Variants in SFI1 observed in about 807,000 individuals in gnomAD.
The protein encoded by SFI1 is SFI1 centrin binding protein, also known as protein SFI1 homolog.
In SFI1, 195 loss-of-function variants were observed where a neutral mutation model predicts 207.5. The observed-to-expected ratio is 0.94, with a 90% CI of 0.84 to 1.06. The LOEUF (loss-of-function observed/expected upper bound fraction) is 1.06, where lower values mean the gene tolerates loss of function less well. Ranked by LOEUF, SFI1 falls within the 50% of genes least tolerant of loss-of-function variation. The probability of loss-of-function intolerance (pLI) is 0.00; values close to 1 mark genes in which losing one functional copy is unlikely to be tolerated. For missense variants in SFI1, 1,634 were observed against 1,588.0 expected (o/e 1.03, Z -0.49); for synonymous variants, 630 against 598.9 (o/e 1.05, Z -0.76).
intron 3 of SFI1, 111 bp downstream of exon 3, chr22:31,528,974 G>A: frequency 9.3e-7 from 1 of 1,070,298 alleles, no homozygotes; most frequent in Non-Finnish European, 1.4e-6. Context: ...GGGAGATCTT[G>A]ATGCCTGTTC....
rs746036758 is a variant in SFI1 at position 31,556,925 on chromosome 22, C to G, written c.545-17C>G. The G allele has an allele frequency of 5.8e-6, 9 of 1,562,064 alleles. No individual in the cohort carries two copies. Among genetic ancestry groups the G allele is most frequent in the Non-Finnish European group, 7.9e-6 (9 of 1,144,294 alleles). On this transcript the variant is annotated splice_polypyrimidine_tract_variant and intron_variant, in intron 6 of 32. Coordinates refer to ENST00000400288, the MANE Select transcript of SFI1 (RefSeq NM_001007467.3). ...TCTCTCCCCATGCCTTTTGAAAAAT[C>G]TCTTTGGTGAATCTAGATGCAAAGC...
At chr22:31,503,741 C>T (rs2054192673) in intron 1 of SFI1, among the ~76,000 whole-genome samples, 1 of 151,354 alleles carries the variant, frequency 6.6e-6, no homozygotes, top group Admixed American at 6.6e-5. Context: ...GCATTCGCCA[C>T]CATGCCAATT....
chr22:31,553,853 T>C (rs1221367147), intron 6 of SFI1, among the ~76,000 whole-genome samples: 1 of 118,590 alleles, frequency 8.4e-6, no homozygotes, highest in African/African-American at 3.2e-5. Context: ...TTTTTTTTTT[T>C]TTTTTTTTTT....
chr22:31,552,730 A>C (rs754569585), intron 6 of SFI1, among the ~76,000 whole-genome samples: 8 of 152,096 alleles, frequency 5.3e-5, no homozygotes, highest in Non-Finnish European at 8.8e-5. Flanking sequence ...TTCTGTTTTT[A>C]GTTCTTTGAG....
chr22:31,517,133 C>CA (rs561236186), intron 2 of SFI1, among the ~76,000 whole-genome samples: 1,828 of 141,050 alleles, frequency 0.013, 12 homozygotes, highest in Middle Eastern at 0.032. Context: ...GACTCTGTCT[C>CA]AAAAAAAAAA....
At position 31,604,304 on chromosome 22, in the gene SFI1, T is replaced by G. The variant is rs1263257630; in HGVS notation, c.1882-5T>G. 1.3e-6 allele frequency: 2 copies of G among 1,568,122 alleles called. No homozygotes were observed. Among genetic ancestry groups the G allele is most frequent in the Admixed American group, 1.9e-5 (1 of 53,650 alleles). ...CACGGTAGCTGCTTTCTCCTCTGTC[T>G]GCAGTGCCTGGCCCTGCGGGGAGCG... On this transcript the variant is annotated splice_region_variant and splice_polypyrimidine_tract_variant and intron_variant, in intron 18 of 32. Transcript: ENST00000400288.
At chr22:31,500,763 G>A (rs541821318) in intron 1 of SFI1, among the ~76,000 whole-genome samples, 1 of 150,090 alleles carries the variant, frequency 6.7e-6, no homozygotes, top group African/African-American at 2.5e-5. Context: ...GCCCAATAAA[G>A]TGGTGTTTTT....
intron 2 of SFI1, among the ~76,000 whole-genome samples, chr22:31,516,384 G>A (rs2056503396): frequency 6.6e-6 from 1 of 151,474 alleles, no homozygotes; most frequent in Non-Finnish European, 1.5e-5. Flanking sequence ...ATTGTGGTGT[G>A]TGCCTGTAGT....
chr22:31,594,027 G>GCA (rs1287456853), intron 15 of SFI1, among the ~76,000 whole-genome samples: 2,465 of 139,952 alleles, frequency 0.018, 43 homozygotes, highest in African/African-American at 0.022. Context: ...AGAGGGAGAG[G>GCA]GAGGTGTCCA....
intron 15 of SFI1, among the ~76,000 whole-genome samples, chr22:31,594,984 A>AATTT (rs890792462): frequency 6.9e-4 from 105 of 151,526 alleles, no homozygotes; most frequent in South Asian, 1.9e-3. Flanking sequence ...AAATAATAAT[A>AATTT]ATTTATTTAT....
At chr22:31,559,871 G>A in intron 7 of SFI1, 1 of 669,108 alleles carries the variant, frequency 1.5e-6, no homozygotes, top group Non-Finnish European at 2.8e-6. Flanking sequence ...GGGCCTTCGT[G>A]TCCGAGGCCA....
chr22:31,618,235 C>T lies in SFI1; in HGVS notation c.3624+9C>T. 6.3e-7 allele frequency: 1 copy of T among 1,595,236 alleles called. No homozygotes were observed. Among genetic ancestry groups the T allele is most frequent in the Non-Finnish European group, 8.5e-7 (1 of 1,172,326 alleles). On this transcript the variant is annotated intron_variant, in intron 32 of 32. Coordinates refer to ENST00000400288, the MANE Select transcript of SFI1 (RefSeq NM_001007467.3). ...AGAAAGAGCTGGAACAGGTGAGGCC[C>T]CAGGCCATCCCCAGGTGTCCCTGGG... is the stretch of plus-strand genomic sequence containing the variant.
chr22:31,559,442 C>T lies in SFI1; in HGVS notation c.663-1848C>T, dbSNP rs116669351. The T allele has an allele frequency of 9.2e-3, 3,642 of 396,290 alleles. 113 individuals are homozygous for T. The highest frequency in any genetic ancestry group is 0.067 in the African/African-American group (3,211 of 47,958). The allele number at this position is 396,290 out of a possible 1,614,324, so 24.5% of individuals were successfully genotyped here. A position where few individuals can be genotyped will look rare whatever the true frequency, so the allele number is the denominator to read the frequency against. ...TGTCTCGAAAAAATAAAAAAAATGG[C>T]TTCCGCGGGAGGCCTACACACCGCC... On this transcript the variant is annotated intron_variant, in intron 7 of 32. Transcript: ENST00000400288.
chr22:31,594,864 A>G (rs924960875), intron 15 of SFI1, among the ~76,000 whole-genome samples: 6 of 147,466 alleles, frequency 4.1e-5, no homozygotes, highest in South Asian at 2.1e-4. Flanking sequence ...CAAAAAAAAA[A>G]AAAAAAAAAA....
At chr22:31,612,792 T>G in intron 24 of SFI1, 1 of 246,908 alleles carries the variant, frequency 4.1e-6, no homozygotes. Context: ...GGATCTTGCT[T>G]TTTAAAAAGC....
At position 31,528,837 on chromosome 22, in the gene SFI1, G is replaced by C. The variant is rs1420669241; in HGVS notation, c.240G>C (p.Gln80His). Residue 80 changes from glutamine (Q) to histidine (H), a missense_variant, in exon 3 of 33, where the codon CAG becomes CAC. Coordinates refer to ENST00000400288, the MANE Select transcript of SFI1 (RefSeq NM_001007467.3). ...QYRGTHTCTR[Q>H]GRLRELRIRC... Reference sequence around the variant, plus strand: ...GTGGCACACATACTTGTACCCGACAGGGCCGGTTAAGAGAACTGCGCATCA... The same window carrying C: ...GTGGCACACATACTTGTACCCGACACGGCCGGTTAAGAGAACTGCGCATCA... 1 of 1,613,898 alleles carries C rather than the reference G, an allele frequency of 6.2e-7. No individual in the cohort carries two copies. Among genetic ancestry groups the C allele is most frequent in the East Asian group, 2.2e-5 (1 of 44,874 alleles).
rs1316746525 is a variant in SFI1 at position 31,575,362 on chromosome 22, C to T, written c.1054C>T (p.Leu352=). ...QVEKLARKMA[L]RRAFTHWKHY... Reference sequence around the variant, plus strand: ...GGAGAAACTGGCCAGGAAGATGGCCCTGCGGCGCGCCTTTACTCACTGGAA... The same window carrying T: ...GGAGAAACTGGCCAGGAAGATGGCCTTGCGGCGCGCCTTTACTCACTGGAA... Residue 352 remains leucine, a synonymous_variant, in exon 10 of 33, where the codon CTG becomes TTG. Coordinates refer to ENST00000400288, the MANE Select transcript of SFI1 (RefSeq NM_001007467.3). 1 of 1,611,632 alleles carries T rather than the reference C, an allele frequency of 6.2e-7. No individual in the cohort carries two copies. Among genetic ancestry groups the T allele is most frequent in the Admixed American group, 1.7e-5 (1 of 59,718 alleles).
At chr22:31,556,886 C>A in intron 6 of SFI1, 56 bp from the exon 7 acceptor site, 1 of 1,232,210 alleles carries the variant, frequency 8.1e-7, no homozygotes, top group Non-Finnish European at 1.2e-6. Context: ...TTTATCATAA[C>A]CCAGAGTAAT....
At chr22:31,609,704 C>T (rs773048947) in intron 22 of SFI1, among the ~76,000 whole-genome samples, 7 of 152,220 alleles carry the variant, frequency 4.6e-5, no homozygotes, top group Non-Finnish European at 8.8e-5. Flanking sequence ...TACTGCGCCA[C>T]GAATGTGCTG....
Sources: allele counts gnomAD v4.1 joint callset (sites outside exome capture counted in the v4.1 genomes callset), GRCh38; gene constraint gnomAD v4.1.1; transcripts MANE v1.5; gene names NCBI Gene and HGNC (gene_info 2026-07-23, HGNC 2026-07-21).